Variants in FAM114A1 observed in about 807,000 individuals in gnomAD.
FAM114A1 encodes the protein family with sequence similarity 114 member A1, also known as protein NOXP20.
In FAM114A1, 62 loss-of-function variants were observed where a neutral mutation model predicts 64.3. The ratio of observed to expected loss-of-function variants is 0.96; its 90% confidence interval spans 0.79 to 1.19. The LOEUF (loss-of-function observed/expected upper bound fraction) is 1.19. FAM114A1 is among the 50% of genes most tolerant of loss of function. The pLI is 0.00. For missense variants in FAM114A1, 645 were observed against 676.3 expected, an observed-to-expected ratio of 0.95 and a Z score of 0.51; for synonymous variants, 254 against 251.1, an observed-to-expected ratio of 1.01 and a Z score of -0.11.
At chr4:38,897,514 T>C (rs1717050614) in intron 4 of FAM114A1, among the ~76,000 whole-genome samples, 1 of 152,202 alleles carries the variant, frequency 6.6e-6, no homozygotes, top group Non-Finnish European at 1.5e-5. Flanking sequence ...CAGCCAACAA[T>C]TATTTTGGAG....
At chr4:38,868,146 C>T (rs2109496963) in intron 1 of FAM114A1, 1 of 236,084 alleles carries the variant, frequency 4.2e-6, no homozygotes, top group Non-Finnish European at 9.2e-6. Flanking sequence ...CCTCGGCCTG[C>T]GTGAACCTCC....
At chr4:38,912,311 G>A (rs1718631584) in intron 7 of FAM114A1, among the ~76,000 whole-genome samples, 1 of 152,098 alleles carries the variant, frequency 6.6e-6, no homozygotes, top group Non-Finnish European at 1.5e-5. Flanking sequence ...TCTCTAGTGG[G>A]AAAATAGAAC....
In FAM114A1 at chr4:38,931,474, G is replaced by A; in HGVS notation, c.1185G>A (p.Trp395Ter). Reference protein sequence around the residue: ...LNKAMKRAHDWVEEDQTVVSV... With the variant: ...LNKAMKRAHD Reference sequence around the variant, plus strand: ...AGGCCATGAAGAGGGCTCATGACTGGGTGGAAGAGGATCAAACCGTGGTGT... The same window carrying A: ...AGGCCATGAAGAGGGCTCATGACTGAGTGGAAGAGGATCAAACCGTGGTGT... Residue 395 changes from tryptophan (W) to a stop codon, truncating the protein, a stop_gained, in exon 11 of 15, where the codon TGG becomes TGA. Transcript: ENST00000358869. LOFTEE classifies it high-confidence loss of function. 1.2e-6 allele frequency: 2 copies of A among 1,613,852 alleles called. No homozygotes were observed. Among genetic ancestry groups the A allele is most frequent in the Admixed American group, 1.7e-5 (1 of 59,962 alleles).
chr4:38,910,407 C>T (rs909023983), intron 7 of FAM114A1, among the ~76,000 whole-genome samples: 2 of 152,212 alleles, frequency 1.3e-5, no homozygotes, highest in African/African-American at 2.4e-5. Context: ...CACAGGAGCT[C>T]GTCCCAGGGG....
intron 3 of FAM114A1, among the ~76,000 whole-genome samples, chr4:38,889,185 C>T (rs926957331): frequency 6.6e-6 from 1 of 152,160 alleles, no homozygotes; most frequent in Non-Finnish European, 1.5e-5. Flanking sequence ...ATTGTATTAA[C>T]TCTTCCTAAT....
intron 4 of FAM114A1, 120 bp downstream of exon 4, chr4:38,891,950 T>TTTTGCTTAGAATAGA: frequency 1.3e-6 from 1 of 774,838 alleles, no homozygotes; most frequent in Non-Finnish European, 1.9e-6. Context: ...CCATGTTTAG[T>TTTTGCTTAGAATAGA]GCTTACTATT....
At chr4:38,870,431 T>G (rs1713933063) in intron 2 of FAM114A1, among the ~76,000 whole-genome samples, 1 of 152,268 alleles carries the variant, frequency 6.6e-6, no homozygotes, top group Admixed American at 6.5e-5. Flanking sequence ...GATTGATTTC[T>G]GAAGGATAGT....
At chr4:38,884,961 T>A (rs971688203) in intron 3 of FAM114A1, among the ~76,000 whole-genome samples, 23 of 152,166 alleles carry the variant, frequency 1.5e-4, no homozygotes, top group African/African-American at 5.1e-4. Context: ...TGAATACTTT[T>A]AAAAATTTTT....
At chr4:38,907,246 G>A (rs1292771028) in intron 6 of FAM114A1, among the ~76,000 whole-genome samples, 2 of 152,136 alleles carry the variant, frequency 1.3e-5, no homozygotes, top group Non-Finnish European at 2.9e-5. Flanking sequence ...ACCCCCGTGG[G>A]GGGTTTGTAG....
intron 9 of FAM114A1, among the ~76,000 whole-genome samples, chr4:38,924,128 A>G (rs1719887373): frequency 6.6e-6 from 1 of 151,950 alleles, no homozygotes; most frequent in Admixed American, 6.6e-5. Flanking sequence ...CCCTTTCTGA[A>G]ATGCAGTATC....
At chr4:38,941,200 C>T (rs751856679) in intron 14 of FAM114A1, among the ~76,000 whole-genome samples, 179 bp downstream of exon 14, 6 of 151,486 alleles carry the variant, frequency 4.0e-5, no homozygotes, top group African/African-American at 1.5e-4. Flanking sequence ...GATGAAGCAA[C>T]AATACCTAAT....
At chr4:38,876,711 G>A (rs1325557264) in intron 2 of FAM114A1, among the ~76,000 whole-genome samples, 2 of 152,274 alleles carry the variant, frequency 1.3e-5, no homozygotes, top group East Asian at 1.9e-4. Context: ...GAGTTCTGGA[G>A]GTCAGAAGTC....
chr4:38,886,319 C>T (rs1469452721), intron 3 of FAM114A1, among the ~76,000 whole-genome samples: 1 of 151,714 alleles, frequency 6.6e-6, no homozygotes, highest in Admixed American at 6.6e-5. Flanking sequence ...TTACAGCATG[C>T]GCCACCACAC....
intron 4 of FAM114A1, among the ~76,000 whole-genome samples, chr4:38,900,872 A>C (rs1184512655): frequency 6.6e-6 from 1 of 152,014 alleles, no homozygotes; most frequent in Non-Finnish European, 1.5e-5. Context: ...AATATTGTGA[A>C]GGTATTTGGT....
rs142442185 is a variant in FAM114A1, at chr4:38,932,358, G to A, written c.1447G>A (p.Ala483Thr). Reference sequence around the variant, plus strand: ...AGAGGAAAAACCAGCTCAGGACCAAGCAAAAGTTCTAATAAAGTAAGTAAA... The same window carrying A: ...AGAGGAAAAACCAGCTCAGGACCAAACAAAAGTTCTAATAAAGTAAGTAAA... ...QEEEKPAQDQAKVLIKLTTAM... is the reference protein window; with the variant it reads ...QEEEKPAQDQTKVLIKLTTAM... Residue 483 changes from alanine to threonine, a missense_variant, in exon 12 of 15, where the codon GCA becomes ACA. Coordinates refer to ENST00000358869, the MANE Select transcript of FAM114A1 (RefSeq NM_138389.4). 1 of 1,590,266 alleles carries A rather than the reference G, an allele frequency of 6.3e-7. No individual in the cohort carries two copies. The highest frequency in any genetic ancestry group is 8.5e-7 in the Non-Finnish European group (1 of 1,174,332).
chr4:38,888,356 A>G (rs1332491103), intron 3 of FAM114A1, among the ~76,000 whole-genome samples: 1 of 152,010 alleles, frequency 6.6e-6, no homozygotes, highest in Non-Finnish European at 1.5e-5. Context: ...TGTCTCTACA[A>G]AAAATAATTT....
chr4:38,868,648 C>T (rs1317594072), intron 2 of FAM114A1, 102 bp downstream of exon 2: 1 of 152,358 alleles, frequency 6.6e-6, no homozygotes, highest in Non-Finnish European at 1.5e-5. Flanking sequence ...TACCTATGCC[C>T]TACTGATCCC....
At chr4:38,871,437 A>G (rs1714070994) in intron 2 of FAM114A1, among the ~76,000 whole-genome samples, 1 of 152,128 alleles carries the variant, frequency 6.6e-6, no homozygotes, top group Admixed American at 6.5e-5. Context: ...AATAAAATTT[A>G]TAAATTATCC....
intron 5 of FAM114A1, 37 bp downstream of exon 5, chr4:38,905,672 T>C (rs1404503278): frequency 1.2e-6 from 2 of 1,608,618 alleles, no homozygotes; most frequent in East Asian, 2.2e-5. Flanking sequence ...TCTTGGACTT[T>C]ATTACACCAT....
Sources: allele counts gnomAD v4.1 joint callset (sites outside exome capture counted in the v4.1 genomes callset), GRCh38; gene constraint gnomAD v4.1.1; transcripts MANE v1.5; gene names NCBI Gene and HGNC (gene_info 2026-07-23, HGNC 2026-07-21).